SLCO2A1: variants seen among roughly 807,000 people sequenced by gnomAD.
The protein encoded by SLCO2A1 is matrin F/G 1.
In SLCO2A1, 60 loss-of-function variants were observed where a neutral mutation model predicts 71.7. The observed-to-expected ratio is 0.84, with a 90% CI of 0.68 to 1.04. The LOEUF is 1.04. SLCO2A1 is among the 50% of genes least tolerant of loss of function. The pLI, the probability that SLCO2A1 is intolerant of heterozygous loss-of-function variation, is 0.00. For missense variants in SLCO2A1, 745 were observed against 813.4 expected (o/e 0.92, Z 1.02); for synonymous variants, 308 against 326.7 (o/e 0.94, Z 0.62).
At chr3:133,983,487 T>A (rs1284424492) in intron 1 of SLCO2A1, among the ~76,000 whole-genome samples, 1 of 152,220 alleles carries the variant, frequency 6.6e-6, no homozygotes, top group Non-Finnish European at 1.5e-5. Context: ...AAGCACCAAG[T>A]TTTGGATTGT....
chr3:133,937,859 G>A (rs1933310589), intron 12 of SLCO2A1, among the ~76,000 whole-genome samples: 1 of 152,216 alleles, frequency 6.6e-6, no homozygotes, highest in African/African-American at 2.4e-5. Flanking sequence ...CTCAGCCCAG[G>A]CACCCCGGGA....
chr3:133,955,551 C>T (rs1933879078), intron 3 of SLCO2A1, among the ~76,000 whole-genome samples: 1 of 152,110 alleles, frequency 6.6e-6, no homozygotes, highest in Non-Finnish European at 1.5e-5. Context: ...AGGAAAGGGG[C>T]ACCCAGCTGG....
chr3:134,013,202 G>A (rs994161654), intron 1 of SLCO2A1, among the ~76,000 whole-genome samples: 3 of 152,188 alleles, frequency 2.0e-5, no homozygotes, highest in African/African-American at 7.2e-5. Flanking sequence ...CTGAGTGAGT[G>A]AGGTCCTAGC....
intron 3 of SLCO2A1, among the ~76,000 whole-genome samples, chr3:133,966,372 C>T (rs568359603): frequency 5.9e-5 from 9 of 152,286 alleles, no homozygotes; most frequent in African/African-American, 1.7e-4. Context: ...CTTCTGCAAC[C>T]AATGCTTCTG....
intron 1 of SLCO2A1, among the ~76,000 whole-genome samples, chr3:134,027,575 G>C (rs1442503724): frequency 6.6e-6 from 1 of 152,138 alleles, no homozygotes; most frequent in Non-Finnish European, 1.5e-5. Context: ...TGATGCCCCC[G>C]GCTGAATAAA....
intron 2 of SLCO2A1, among the ~76,000 whole-genome samples, chr3:133,975,932 T>C (rs1340881867): frequency 6.6e-6 from 1 of 152,242 alleles, no homozygotes; most frequent in Admixed American, 6.5e-5. Flanking sequence ...CATAACCTGA[T>C]CTACAGTATG....
chr3:133,946,781 C>G (rs1028476228), intron 9 of SLCO2A1, among the ~76,000 whole-genome samples: 14 of 152,126 alleles, frequency 9.2e-5, no homozygotes, highest in African/African-American at 3.1e-4. Context: ...TGGAGCAGAC[C>G]ATTCAAGACC....
chr3:134,011,461 C>T (rs1012273035), intron 1 of SLCO2A1, among the ~76,000 whole-genome samples: 14 of 152,164 alleles, frequency 9.2e-5, no homozygotes, highest in African/African-American at 1.9e-4. Context: ...CTCAGCTGTG[C>T]GGAAGGCAGC....
At chr3:133,995,443 T>C (rs1934944599) in intron 1 of SLCO2A1, among the ~76,000 whole-genome samples, 2 of 152,210 alleles carry the variant, frequency 1.3e-5, no homozygotes, top group Non-Finnish European at 2.9e-5. Context: ...AGTAGAAATC[T>C]GTAGCTGAGT....
chr3:133,933,171 C>T lies in SLCO2A1; in HGVS notation c.*1542G>A, dbSNP rs1267144611. 6.6e-6 allele frequency: 1 copy of T among 152,134 alleles called. No individual in the cohort carries two copies. Among genetic ancestry groups the T allele is most frequent in the East Asian group, 1.9e-4 (1 of 5,198 alleles). 9.4% of individuals were successfully genotyped at this position (152,134 alleles called of 1,614,324 possible). On this transcript the variant is annotated 3_prime_UTR_variant, in exon 14 of 14. Coordinates refer to ENST00000310926, the MANE Select transcript of SLCO2A1 (RefSeq NM_005630.3). Reference sequence around the variant, plus strand: ...GGTCATGAATGGCCATGACCCATGCCCAGCTGTTCCAGAGGACATGGGGAG... The same window carrying T: ...GGTCATGAATGGCCATGACCCATGCTCAGCTGTTCCAGAGGACATGGGGAG...
chr3:134,008,583 T>C (rs1404667820), intron 1 of SLCO2A1, among the ~76,000 whole-genome samples: 1 of 152,182 alleles, frequency 6.6e-6, no homozygotes, highest in Non-Finnish European at 1.5e-5. Context: ...AACAGACCCC[T>C]AGTTAGCACC....
intron 1 of SLCO2A1, among the ~76,000 whole-genome samples, chr3:134,007,886 C>T (rs1429370914): frequency 6.6e-6 from 1 of 152,196 alleles, no homozygotes; most frequent in Non-Finnish European, 1.5e-5. Context: ...TCATTTCTTT[C>T]ACCTAAAGAT....
At position 134,014,671 on chromosome 3, in the gene SLCO2A1, G is replaced by A. The variant is rs186367427; in HGVS notation, c.96+15036C>T. On this transcript the variant is annotated intron_variant, in intron 1 of 13. Transcript: ENST00000310926. The stretch of plus-strand genomic sequence containing the variant: ...AGATAAGAATCTGAGAGTCTGAAAG[G>A]ACCTCAGAGATCACTGAGCTCAGGC... Among the ~76,000 whole-genome samples the A allele has an allele frequency of 3.1e-3, 468 of 152,236 alleles. 2 individuals are homozygous for A. The highest frequency in any genetic ancestry group is 0.01 in the African/African-American group (434 of 41,532).
At chr3:133,958,061 C>T (rs915475746) in intron 3 of SLCO2A1, among the ~76,000 whole-genome samples, 3 of 152,156 alleles carry the variant, frequency 2.0e-5, no homozygotes, top group African/African-American at 7.2e-5. Flanking sequence ...AATGCTCCTG[C>T]TGAAAGACCA....
chr3:133,945,005 C>A lies in SLCO2A1; in HGVS notation c.1461+90G>T, dbSNP rs1391405062. ...AGTGTGTGTGTGGAGCCCTGCCTATCCTGGAGCCGAGAAACAGTCTTTGAG... is the reference window on the plus strand; with the variant it reads ...AGTGTGTGTGTGGAGCCCTGCCTATACTGGAGCCGAGAAACAGTCTTTGAG... On this transcript the variant is annotated intron_variant, in intron 10 of 13. Transcript: ENST00000310926. 5.5e-6 allele frequency: 8 copies of A among 1,449,484 alleles called. No individual in the cohort carries two copies. In the African/African-American group the frequency reaches 1.0e-4, roughly 18 times the overall value. The allele number at this position is 1,449,484 out of a possible 1,614,324, so 89.8% of individuals were successfully genotyped here.
chr3:133,988,913 G>C (rs1452057694), intron 1 of SLCO2A1, among the ~76,000 whole-genome samples: 1 of 152,204 alleles, frequency 6.6e-6, no homozygotes, highest in Non-Finnish European at 1.5e-5. Context: ...TCAAGGTCTG[G>C]GGGCAGGGAA....
rs373071496 is a variant in SLCO2A1 at position 133,951,357 on chromosome 3, C to T, written c.725-13G>A. The stretch of plus-strand genomic sequence containing the variant: ...AAGTTAACTGCAGCTGAAGAGAAAA[C>T]GAAGAGTGCAAATGTTTGTTGAATG... On this transcript the variant is annotated splice_polypyrimidine_tract_variant and intron_variant, in intron 5 of 13. Transcript: ENST00000310926. The T allele has an allele frequency of 9.9e-6, 16 of 1,613,654 alleles. No individual in the cohort carries two copies. Among genetic ancestry groups the T allele is most frequent in the Middle Eastern group, 1.7e-4 (1 of 5,992 alleles).
chr3:133,949,924 C>T (rs771686009), intron 6 of SLCO2A1, among the ~76,000 whole-genome samples: 10 of 152,096 alleles, frequency 6.6e-5, no homozygotes, highest in Non-Finnish European at 1.5e-4. Flanking sequence ...AACTCCTGGG[C>T]TCAAGTGATT....
rs374861195 is a variant in SLCO2A1, at chr3:134,010,351, G to A, written c.96+19356C>T. On this transcript the variant is annotated intron_variant, in intron 1 of 13. Coordinates refer to ENST00000310926, the MANE Select transcript of SLCO2A1 (RefSeq NM_005630.3). ...GCCTCAGGAAACTTACAATCATGGC[G>A]GATGGTGAAGGGGAGGCAAGGCATA... 4.9e-4 allele frequency among the ~76,000 whole-genome samples: 75 copies of A among 152,116 alleles called. 1 individual carries two copies. Among genetic ancestry groups the A allele is most frequent in the Admixed American group, 3.9e-3 (60 of 15,274 alleles).
Sources: allele counts gnomAD v4.1 joint callset (sites outside exome capture counted in the v4.1 genomes callset), GRCh38; gene constraint gnomAD v4.1.1; transcripts MANE v1.5; gene names NCBI Gene and HGNC (gene_info 2026-07-23, HGNC 2026-07-21).